ULK4: variants seen among roughly 807,000 people sequenced by gnomAD.
The protein encoded by ULK4 is unc-51 like kinase 4, also known as inactive serine/threonine-protein kinase ULK4.
A neutral mutation model predicts 160.6 loss-of-function variants in ULK4; 133 were observed. The observed-to-expected ratio is 0.83, with a 90% CI of 0.72 to 0.96. The LOEUF is 0.96. Ranked by LOEUF, ULK4 falls within the 40% of genes least tolerant of loss-of-function variation. ULK4 has a pLI of 0.00. For synonymous variants in ULK4, 534 were observed against 539.8 expected, an observed-to-expected ratio of 0.99 and a Z score of 0.15; for missense variants, 1,580 against 1,499.5, an observed-to-expected ratio of 1.05 and a Z score of -0.89.
At chr3:41,387,180 C>A (rs2081834281) in intron 35 of ULK4, among the ~76,000 whole-genome samples, 1 of 152,036 alleles carries the variant, frequency 6.6e-6, no homozygotes, top group Non-Finnish European at 1.5e-5. Flanking sequence ...GTGGTCAGAT[C>A]AGGGTAATTA....
intron 32 of ULK4, among the ~76,000 whole-genome samples, chr3:41,546,492 A>G (rs1795334): frequency 0.45 from 68,302 of 151,758 alleles, 16,047 homozygotes; most frequent in Middle Eastern, 0.54. Context: ...ATTCATCATC[A>G]TGTCAGTTCA....
At chr3:41,612,006 A>G (rs1286831472) in intron 31 of ULK4, among the ~76,000 whole-genome samples, 1 of 133,878 alleles carries the variant, frequency 7.5e-6, no homozygotes, top group African/African-American at 4.0e-5. Context: ...AAATATTCAG[A>G]AAAAAAAATA....
At chr3:41,442,605 T>A (rs1461906365) in intron 34 of ULK4, among the ~76,000 whole-genome samples, 1 of 152,052 alleles carries the variant, frequency 6.6e-6, no homozygotes, top group African/African-American at 2.4e-5. Flanking sequence ...AAAACCTTAT[T>A]ATTATTATTA....
At chr3:41,847,136 C>T (rs1259765142) in intron 17 of ULK4, among the ~76,000 whole-genome samples, 2 of 152,026 alleles carry the variant, frequency 1.3e-5, no homozygotes, top group Admixed American at 6.6e-5. Flanking sequence ...GGAGCCAGGC[C>T]TTTTTGGCTT....
At chr3:41,305,839 A>C (rs368981874) in intron 35 of ULK4, among the ~76,000 whole-genome samples, 3 of 133,446 alleles carry the variant, frequency 2.2e-5, no homozygotes, top group Non-Finnish European at 3.2e-5. Flanking sequence ...GGCCGCCCAT[A>C]GTCTGAGATG....
chr3:41,642,374 G>A (rs574645858), intron 30 of ULK4, among the ~76,000 whole-genome samples: 1 of 151,980 alleles, frequency 6.6e-6, no homozygotes, highest in Admixed American at 6.5e-5. Flanking sequence ...AGAGAGTGAT[G>A]TTCCCCTTCC....
At chr3:41,683,854 G>A (rs1284837194) in intron 27 of ULK4, among the ~76,000 whole-genome samples, 3 of 151,982 alleles carry the variant, frequency 2.0e-5, no homozygotes, top group South Asian at 2.1e-4. Context: ...CCTTTGCCAC[G>A]CCTTGTGGGA....
chr3:41,733,433 C>T (rs1424544062), intron 22 of ULK4, among the ~76,000 whole-genome samples: 4 of 151,954 alleles, frequency 2.6e-5, no homozygotes, highest in African/African-American at 9.7e-5. Flanking sequence ...TGTGGTGACA[C>T]TTCAATAAAG....
intron 32 of ULK4, among the ~76,000 whole-genome samples, chr3:41,482,794 T>G (rs1362433088): frequency 6.6e-6 from 1 of 152,192 alleles, no homozygotes; most frequent in African/African-American, 2.4e-5. Flanking sequence ...GTACTTTCAA[T>G]TCCTTTTTTA....
intron 32 of ULK4, among the ~76,000 whole-genome samples, chr3:41,564,886 G>A (rs2087733581): frequency 6.6e-6 from 1 of 152,026 alleles, no homozygotes; most frequent in Non-Finnish European, 1.5e-5. Flanking sequence ...ACTCCCTCAG[G>A]GCAACTTTCA....
At chr3:41,353,742 T>C (rs973382690) in intron 35 of ULK4, among the ~76,000 whole-genome samples, 2 of 145,628 alleles carry the variant, frequency 1.4e-5, no homozygotes, top group Non-Finnish European at 3.0e-5. Context: ...CTACTACTAC[T>C]ACTACTACTA....
chr3:41,564,732 T>C (rs2087728026), intron 32 of ULK4, among the ~76,000 whole-genome samples: 1 of 152,080 alleles, frequency 6.6e-6, no homozygotes, highest in Non-Finnish European at 1.5e-5. Flanking sequence ...GTGCTGGGAT[T>C]ACAAGCGTGA....
chr3:41,596,229 TAG>T (rs2031682448), intron 31 of ULK4, among the ~76,000 whole-genome samples: 1 of 152,198 alleles, frequency 6.6e-6, no homozygotes, highest in African/African-American at 2.4e-5. Flanking sequence ...GCATTTGTTT[TAG>T]AGGGCAGGAA....
In ULK4 at chr3:41,418,926, A is replaced by C. The variant is rs187731418; in HGVS notation, c.3493-20662T>G. 6.4e-4 allele frequency among the ~76,000 whole-genome samples: 97 copies of C among 152,314 alleles called. 2 individuals carry two copies. In the East Asian group the frequency reaches 0.013, roughly 21 times the overall value. ...GCCATTTTACACAGAGTTGTTAGAAAAGGGTTCTTTGAGAAGTGTTCTTTG... is the reference window on the plus strand; with the variant it reads ...GCCATTTTACACAGAGTTGTTAGAACAGGGTTCTTTGAGAAGTGTTCTTTG... On this transcript the variant is annotated intron_variant, in intron 34 of 36. Transcript: ENST00000301831.
chr3:41,820,064 C>T (rs925069351), intron 18 of ULK4, among the ~76,000 whole-genome samples: 3 of 151,920 alleles, frequency 2.0e-5, no homozygotes, highest in Admixed American at 6.6e-5. Flanking sequence ...GTGTAATAAC[C>T]ACAAGCACAC....
chr3:41,491,547 A>T (rs2084764971), intron 32 of ULK4, among the ~76,000 whole-genome samples: 2 of 152,154 alleles, frequency 1.3e-5, no homozygotes, highest in African/African-American at 2.4e-5. Context: ...TGGAGAAAAG[A>T]TGAAATATTC....
intron 27 of ULK4, among the ~76,000 whole-genome samples, chr3:41,684,184 T>C (rs1218953409): frequency 6.6e-6 from 1 of 152,200 alleles, no homozygotes; most frequent in Non-Finnish European, 1.5e-5. Context: ...GCTGCTTTGC[T>C]CTTACGGAAG....
intron 33 of ULK4, among the ~76,000 whole-genome samples, chr3:41,457,364 C>T (rs1036184063): frequency 1.3e-5 from 2 of 152,116 alleles, no homozygotes; most frequent in African/African-American, 2.4e-5. Context: ...CATAGTCATA[C>T]GTCATAGTCG....
chr3:41,872,591 G>A (rs2125694121), intron 17 of ULK4, among the ~76,000 whole-genome samples: 1 of 152,192 alleles, frequency 6.6e-6, no homozygotes, highest in Non-Finnish European at 1.5e-5. Flanking sequence ...CCTTCTTTCA[G>A]GTAGTGTGTT....
Sources: gnomAD v4.1 joint callset for allele counts (sites outside exome capture counted in the v4.1 genomes callset) on GRCh38, gnomAD v4.1.1 for gene constraint, MANE v1.5 for transcripts, NCBI Gene and HGNC (gene_info 2026-07-23, HGNC 2026-07-21) for gene names.